Variants in NRG1 observed in about 807,000 individuals in gnomAD.
The protein encoded by NRG1 is pro-neuregulin-1, membrane-bound isoform.
In NRG1, 18 loss-of-function variants were observed where a neutral mutation model predicts 63.8. The ratio of observed to expected loss-of-function variants is 0.28; its 90% CI spans 0.19 to 0.42. NRG1 has a LOEUF of 0.42. NRG1 is among the 10% of genes least tolerant of loss of function. The pLI is 1.00. For synonymous variants in NRG1, 302 were observed against 301.3 expected (o/e 1.00, Z -0.02); for missense variants, 762 against 814.7 (o/e 0.94, Z 0.79).
At chr8:32,014,891 T>C (rs1815277708) in intron 1 of NRG1, among the ~76,000 whole-genome samples, 1 of 151,704 alleles carries the variant, frequency 6.6e-6, no homozygotes, top group Non-Finnish European at 1.5e-5. Context: ...GACAGACAAG[T>C]CCAAAGAGGA....
intron 1 of NRG1, among the ~76,000 whole-genome samples, chr8:31,855,321 G>A (rs1376083537): frequency 6.6e-6 from 1 of 152,210 alleles, no homozygotes; most frequent in African/African-American, 2.4e-5. Context: ...ATATGTTTAG[G>A]ATAGTTAGCT....
At chr8:32,104,134 G>A (rs1830945247) in intron 1 of NRG1, among the ~76,000 whole-genome samples, 1 of 152,024 alleles carries the variant, frequency 6.6e-6, no homozygotes, top group Non-Finnish European at 1.5e-5. Flanking sequence ...AACCCTGATG[G>A]CAAAACATAC....
chr8:32,614,294 C>T, intron 3 of NRG1: 3 of 416,880 alleles, frequency 7.2e-6, no homozygotes, highest in Non-Finnish European at 4.3e-6. Flanking sequence ...ATTATTTTAG[C>T]ACAGCTGATT....
At chr8:31,746,590 A>C (rs1375243249) in intron 1 of NRG1, among the ~76,000 whole-genome samples, 1 of 151,998 alleles carries the variant, frequency 6.6e-6, no homozygotes, top group African/African-American at 2.4e-5. Flanking sequence ...GCTATGAGTA[A>C]TAATTTGGAG....
chr8:31,883,497 C>G (rs903190646), intron 1 of NRG1, among the ~76,000 whole-genome samples: 1 of 152,098 alleles, frequency 6.6e-6, no homozygotes, highest in African/African-American at 2.4e-5. Flanking sequence ...TAATGTGTGA[C>G]AAATCCAGAT....
intron 1 of NRG1, among the ~76,000 whole-genome samples, chr8:31,734,993 G>A (rs1000938678): frequency 3.3e-4 from 50 of 152,134 alleles, no homozygotes; most frequent in Admixed American, 2.6e-3. Flanking sequence ...CTATGTGTGC[G>A]TCATGGACAC....
At chr8:32,050,924 A>T (rs1456002292) in intron 1 of NRG1, among the ~76,000 whole-genome samples, 2 of 152,196 alleles carry the variant, frequency 1.3e-5, no homozygotes, top group Non-Finnish European at 2.9e-5. Flanking sequence ...TAACATAAAG[A>T]CAGATGATTT....
At chr8:31,895,755 C>T (rs1831528446) in intron 1 of NRG1, among the ~76,000 whole-genome samples, 1 of 152,108 alleles carries the variant, frequency 6.6e-6, no homozygotes, top group African/African-American at 2.4e-5. Context: ...GATTGTTCTT[C>T]CTTCTTTTCA....
At chr8:32,123,341 A>G (rs1384551456) in intron 1 of NRG1, among the ~76,000 whole-genome samples, 1 of 151,812 alleles carries the variant, frequency 6.6e-6, no homozygotes, top group Non-Finnish European at 1.5e-5. Flanking sequence ...GTCTCATGAG[A>G]TCTGATGATT....
chr8:31,678,802 AAAT>A (rs1449967702), intron 1 of NRG1, among the ~76,000 whole-genome samples: 1 of 148,580 alleles, frequency 6.7e-6, no homozygotes, highest in South Asian at 2.1e-4. Flanking sequence ...ATTTATATTT[AAAT>A]AATATTTAAT....
chr8:32,522,312 A>G (rs998930269), intron 1 of NRG1, among the ~76,000 whole-genome samples: 1 of 152,184 alleles, frequency 6.6e-6, no homozygotes, highest in Non-Finnish European at 1.5e-5. Flanking sequence ...GTCAGTTTCC[A>G]CATAATGTTG....
At chr8:31,962,293 A>G (rs1354044121) in intron 1 of NRG1, among the ~76,000 whole-genome samples, 1 of 152,182 alleles carries the variant, frequency 6.6e-6, no homozygotes, top group East Asian at 1.9e-4. Flanking sequence ...ACTGACCTAG[A>G]GTTACGGAGA....
At chr8:32,455,344 G>C (rs1821470388) in intron 1 of NRG1, among the ~76,000 whole-genome samples, 1 of 152,022 alleles carries the variant, frequency 6.6e-6, no homozygotes, top group African/African-American at 2.4e-5. Flanking sequence ...TCCTTTTTAT[G>C]CCTATAAATA....
chr8:31,983,228 A>G (rs139891458), intron 1 of NRG1, among the ~76,000 whole-genome samples: 5 of 152,194 alleles, frequency 3.3e-5, no homozygotes, highest in East Asian at 1.9e-4. Context: ...CACTCATCCA[A>G]TTTCTCACAT....
chr8:31,979,852 T>C (rs1808797148), intron 1 of NRG1, among the ~76,000 whole-genome samples: 1 of 152,080 alleles, frequency 6.6e-6, no homozygotes, highest in African/African-American at 2.4e-5. Context: ...CAATGAAGCA[T>C]TCTATTCAAA....
Position 32,742,749 on chromosome 8 carries a change from T to A in NRG1, c.691+16T>A. 1 of 1,613,648 alleles carries A rather than the reference T, an allele frequency of 6.2e-7. No individual in the cohort carries two copies. Among genetic ancestry groups the A allele is most frequent in the East Asian group, 2.2e-5 (1 of 44,878 alleles). ...AGCTTCTACAGTACGTCCACTCCCT[T>A]TCTGTCTCTGCCTGAATAGGAGCAT... On this transcript the variant is annotated intron_variant, in intron 7 of 11. Transcript: ENST00000356819. This position sits in a 1 kb window ranked among gnomAD's most constrained non-coding sequence, Gnocchi z 4.2.
chr8:32,604,599 C>G (rs1844939653), intron 2 of NRG1, among the ~76,000 whole-genome samples: 1 of 152,108 alleles, frequency 6.6e-6, no homozygotes, highest in Non-Finnish European at 1.5e-5. Flanking sequence ...CCCTGCTGCC[C>G]AGACTGGAGT....
intron 1 of NRG1, among the ~76,000 whole-genome samples, chr8:31,967,897 C>T (rs1420447517): frequency 6.6e-6 from 1 of 152,150 alleles, no homozygotes; most frequent in Non-Finnish European, 1.5e-5. Flanking sequence ...TTAAAGCTTC[C>T]AGCCCTCCCA....
At chr8:32,554,929 C>CTCTCTT (rs1554580903) in intron 1 of NRG1, among the ~76,000 whole-genome samples, 27,035 of 145,340 alleles carry the variant, frequency 0.19, 2,592 homozygotes, top group Non-Finnish European at 0.2. Context: ...CTCTCTCTCT[C>CTCTCTT]TTTTTTTTTT....
Sources: gnomAD v4.1 joint callset for allele counts (sites outside exome capture counted in the v4.1 genomes callset) on GRCh38, gnomAD v4.1.1 for gene constraint, Gnocchi (gnomAD v3.1) non-coding constraint, MANE v1.5 for transcripts, NCBI Gene and HGNC (gene_info 2026-07-23, HGNC 2026-07-21) for gene names.